The following USP49 variants were observed in gnomAD, a reference collection of about 807,000 sequenced individuals.
The protein encoded by USP49 is ubiquitin specific peptidase 49, also known as ubiquitin carboxyl-terminal hydrolase 49.
A neutral mutation model predicts 58.6 loss-of-function variants in USP49; 24 were observed. That is an observed-to-expected ratio of 0.41 (90% confidence interval 0.30 to 0.58). The LOEUF (loss-of-function observed/expected upper bound fraction) is 0.58, where lower values mean the gene tolerates loss of function less well. USP49 is among the 20% of genes least tolerant of loss of function. The probability of loss-of-function intolerance (pLI) is 0.30; values close to 1 mark genes in which losing one functional copy is unlikely to be tolerated. For missense variants in USP49, 703 were observed against 866.1 expected (o/e 0.81, Z 2.36); for synonymous variants, 408 against 365.1 (o/e 1.12, Z -1.34).
intron 3 of USP49, among the ~76,000 whole-genome samples, chr6:41,866,592 T>C (rs1209645630): frequency 6.6e-6 from 1 of 152,168 alleles, no homozygotes; most frequent in Non-Finnish European, 1.5e-5. Flanking sequence ...CACACTGGGA[T>C]CATTACAATG....
At chr6:41,867,211 T>G (rs2127357526) in intron 3 of USP49, among the ~76,000 whole-genome samples, 1 of 152,332 alleles carries the variant, frequency 6.6e-6, no homozygotes, top group South Asian at 2.1e-4. Context: ...TAGTGCACAT[T>G]TACTCTTTAG....
chr6:41,843,616 A>T (rs144830490), intron 3 of USP49, among the ~76,000 whole-genome samples: 1 of 152,278 alleles, frequency 6.6e-6, no homozygotes, highest in Non-Finnish European at 1.5e-5. Flanking sequence ...CAGTATCTTT[A>T]AAAGAAATAG....
intron 3 of USP49, among the ~76,000 whole-genome samples, chr6:41,817,655 A>G (rs1773381125): frequency 6.6e-6 from 1 of 151,222 alleles, no homozygotes; most frequent in Non-Finnish European, 1.5e-5. Context: ...TCGCTGTGTC[A>G]TCTAGGCTGG....
rs150249862 is a variant in USP49 at position 41,893,061 on chromosome 6, C to A, written c.-184-1186G>T. Among the ~76,000 whole-genome samples the A allele has an allele frequency of 9.9e-5, 15 of 152,274 alleles. No homozygotes were observed. The East Asian group carries it at 2.9e-3, about 29-fold the overall frequency. ...TAGTATTAATCTGGCCTTCTTTATT[C>A]ATAACCATAAAACACGAAAGGCAGT... On this transcript the variant is annotated intron_variant, in intron 1 of 7. Transcript: ENST00000682992.
At chr6:41,797,309 A>AC in intron 7 of USP49, among the ~76,000 whole-genome samples, 1 of 152,250 alleles carries the variant, frequency 6.6e-6, no homozygotes, top group South Asian at 2.1e-4. Flanking sequence ...TTCATTGTCC[A>AC]CTAGGGCCTT....
intron 3 of USP49, among the ~76,000 whole-genome samples, chr6:41,810,630 T>C (rs1421211004): frequency 2.7e-5 from 4 of 147,888 alleles, no homozygotes; most frequent in African/African-American, 1.0e-4. Context: ...CAGTGCAACC[T>C]CCATCTCCCA....
chr6:41,857,493 A>G (rs1774151125), intron 3 of USP49, among the ~76,000 whole-genome samples: 1 of 152,128 alleles, frequency 6.6e-6, no homozygotes, highest in African/African-American at 2.4e-5. Context: ...AAAAAATACA[A>G]AAATTAGCCA....
intron 3 of USP49, among the ~76,000 whole-genome samples, chr6:41,808,699 C>A (rs2127325606): frequency 6.6e-6 from 1 of 152,200 alleles, no homozygotes; most frequent in South Asian, 2.1e-4. Flanking sequence ...TGTGAGCCAA[C>A]ACGCCAGGCT....
intron 2 of USP49, among the ~76,000 whole-genome samples, chr6:41,872,442 T>A (rs1217781396): frequency 6.6e-6 from 1 of 151,350 alleles, no homozygotes; most frequent in Non-Finnish European, 1.5e-5. Context: ...AAGTGAGGAG[T>A]GCCTCTGCGC....
chr6:41,863,545 G>A (rs1774259638), intron 3 of USP49, among the ~76,000 whole-genome samples: 1 of 152,132 alleles, frequency 6.6e-6, no homozygotes, highest in Non-Finnish European at 1.5e-5. Flanking sequence ...TGATTCCCCT[G>A]CTTAAAAACC....
chr6:41,841,210 G>A (rs1382840693), intron 3 of USP49, among the ~76,000 whole-genome samples: 1 of 151,948 alleles, frequency 6.6e-6, no homozygotes, highest in East Asian at 1.9e-4. Context: ...CCGCAACCCA[G>A]AAGGGTCTCT....
chr6:41,831,816 A>G (rs1041134382), intron 3 of USP49, among the ~76,000 whole-genome samples: 3 of 152,118 alleles, frequency 2.0e-5, no homozygotes, highest in African/African-American at 7.2e-5. Flanking sequence ...TCTGACCCCA[A>G]ACAAGCTTCT....
chr6:41,829,500 A>G (rs1311000538), intron 3 of USP49, among the ~76,000 whole-genome samples: 1 of 152,102 alleles, frequency 6.6e-6, no homozygotes, highest in Non-Finnish European at 1.5e-5. Context: ...TTTAGTAGAG[A>G]TGGGGTTTCT....
At chr6:41,894,777 C>T (rs1402768113) in intron 1 of USP49, among the ~76,000 whole-genome samples, 1 of 152,090 alleles carries the variant, frequency 6.6e-6, no homozygotes, top group East Asian at 1.9e-4. Flanking sequence ...CCCTGCCCGG[C>T]TTCCTTAACG....
rs1015145320 is a variant in USP49 at position 41,796,257 on chromosome 6, C to T, written c.*276G>A. 1 of 338,300 alleles carries T rather than the reference C, an allele frequency of 3.0e-6. No homozygotes were observed. The highest frequency in any genetic ancestry group is 2.0e-5 in the African/African-American group (1 of 48,862). The allele number at this position is 338,300 out of a possible 1,614,324, so 21.0% of individuals were successfully genotyped here. On this transcript the variant is annotated 3_prime_UTR_variant, in exon 8 of 8. Transcript: ENST00000682992. ...TTGATTTACCCCCCCGCCCCGCTTT[C>T]CTCCACCCAGATCCCTCTATATTCA...
intron 3 of USP49, among the ~76,000 whole-genome samples, chr6:41,841,925 C>T (rs542937462): frequency 1.3e-5 from 2 of 152,190 alleles, no homozygotes; most frequent in East Asian, 3.9e-4. Flanking sequence ...GGTGTGGTGG[C>T]GCCCGCCTGT....
chr6:41,883,367 A>C (rs1283152151), intron 2 of USP49, among the ~76,000 whole-genome samples: 2 of 151,198 alleles, frequency 1.3e-5, no homozygotes, highest in Non-Finnish European at 3.0e-5. Flanking sequence ...AAAAAAAAAA[A>C]AAAAAAATGC....
intron 3 of USP49, among the ~76,000 whole-genome samples, chr6:41,866,715 A>G (rs188675168): frequency 6.6e-6 from 1 of 152,336 alleles, no homozygotes; most frequent in Admixed American, 6.5e-5. Context: ...AAACAGCTGT[A>G]TTCTCCTATC....
chr6:41,880,199 G>T (rs996616479), intron 2 of USP49, among the ~76,000 whole-genome samples: 3 of 151,212 alleles, frequency 2.0e-5, no homozygotes, highest in Admixed American at 2.0e-4. Context: ...TAATTAGAAA[G>T]GTCTTAAGAT....
Sources: gnomAD v4.1 joint callset for allele counts (sites outside exome capture counted in the v4.1 genomes callset) on GRCh38, gnomAD v4.1.1 for gene constraint, MANE v1.5 for transcripts, NCBI Gene and HGNC (gene_info 2026-07-23, HGNC 2026-07-21) for gene names.